Variants in ALK observed in about 807,000 individuals in gnomAD.
ALK encodes the protein ALK tyrosine kinase receptor.
In ALK, 74 loss-of-function variants were observed where a neutral mutation model predicts 163.1. The observed-to-expected ratio is 0.45, with a 90% confidence interval of 0.38 to 0.55. ALK has a LOEUF of 0.55. ALK is among the 20% of genes least tolerant of loss of function. The pLI is 0.00. For synonymous variants in ALK, 960 were observed against 843.2 expected (o/e 1.14, Z -2.40); for missense variants, 2,063 against 2,105.3 (o/e 0.98, Z 0.39).
At chr2:29,280,232 C>T (rs1372156508) in intron 9 of ALK, among the ~76,000 whole-genome samples, 1 of 150,122 alleles carries the variant, frequency 6.7e-6, no homozygotes, top group Non-Finnish European at 1.5e-5. Context: ...AGATGGACTA[C>T]TCTGGGACTG....
intron 4 of ALK, among the ~76,000 whole-genome samples, chr2:29,426,068 A>G (rs935912564): frequency 4.6e-5 from 7 of 152,222 alleles, no homozygotes; most frequent in African/African-American, 1.7e-4. Context: ...AAACAATGGA[A>G]TAATCAGCTG....
chr2:29,578,405 T>C (rs1192067243), intron 3 of ALK, among the ~76,000 whole-genome samples: 1 of 152,340 alleles, frequency 6.6e-6, no homozygotes, highest in African/African-American at 2.4e-5. Flanking sequence ...TTGCAGGGTA[T>C]GGTGCCCTAA....
At chr2:29,391,577 G>C (rs922006741) in intron 4 of ALK, among the ~76,000 whole-genome samples, 9 of 152,068 alleles carry the variant, frequency 5.9e-5, no homozygotes, top group Non-Finnish European at 1.5e-5. Context: ...CCTCCTTTGG[G>C]GTTACAGCCA....
chr2:29,296,621 G>A (rs1467187136), intron 9 of ALK, among the ~76,000 whole-genome samples: 2 of 152,192 alleles, frequency 1.3e-5, no homozygotes, highest in Admixed American at 6.5e-5. Flanking sequence ...AGACACTGGG[G>A]GTAGCCAACC....
At chr2:29,665,441 T>C (rs1381897135) in intron 3 of ALK, among the ~76,000 whole-genome samples, 2 of 152,200 alleles carry the variant, frequency 1.3e-5, no homozygotes, top group East Asian at 1.9e-4. Context: ...AATGTGTCTG[T>C]CACCTACTCC....
At chr2:29,225,622 G>C (rs1035059178) in intron 18 of ALK, 57 bp from the exon 19 acceptor site, 3 of 1,464,972 alleles carry the variant, frequency 2.0e-6, no homozygotes, top group Non-Finnish European at 2.8e-6. Context: ...CTTTGAGTTG[G>C]TCCCAAGTCA....
intron 24 of ALK, among the ~76,000 whole-genome samples, chr2:29,213,308 T>C (rs182657798): frequency 6.6e-6 from 1 of 152,320 alleles, no homozygotes; most frequent in Non-Finnish European, 1.5e-5. Flanking sequence ...ACAAGAATGA[T>C]TGTAATAGAA....
At chr2:29,457,294 T>C (rs1670979385) in intron 4 of ALK, among the ~76,000 whole-genome samples, 1 of 152,158 alleles carries the variant, frequency 6.6e-6, no homozygotes, top group Non-Finnish European at 1.5e-5. Context: ...TCACTGCATC[T>C]GCCCATCTAT....
intron 8 of ALK, among the ~76,000 whole-genome samples, chr2:29,314,536 G>A (rs915319282): frequency 2.6e-5 from 4 of 152,080 alleles, no homozygotes; most frequent in Non-Finnish European, 5.9e-5. Context: ...GAGGGGAGAC[G>A]CAACTGCAGC....
chr2:29,325,192 G>T (rs139895883), intron 6 of ALK, among the ~76,000 whole-genome samples: 2 of 152,098 alleles, frequency 1.3e-5, no homozygotes, highest in Non-Finnish European at 2.9e-5. Context: ...CCTCAGGAAG[G>T]TTCTTTAGAG....
At chr2:29,336,957 G>A (rs1412818932) in intron 5 of ALK, among the ~76,000 whole-genome samples, 1 of 152,072 alleles carries the variant, frequency 6.6e-6, no homozygotes, top group Non-Finnish European at 1.5e-5. Context: ...GGGGAACCTG[G>A]TGTCTAGGGG....
intron 4 of ALK, among the ~76,000 whole-genome samples, chr2:29,504,138 G>A (rs1347259184): frequency 6.6e-6 from 1 of 152,076 alleles, no homozygotes; most frequent in African/African-American, 2.4e-5. Flanking sequence ...TTTTCCAGCT[G>A]AGCTCCAAAG....
At chr2:29,886,139 G>A (rs944708654) in intron 1 of ALK, among the ~76,000 whole-genome samples, 12 of 152,090 alleles carry the variant, frequency 7.9e-5, no homozygotes, top group Admixed American at 4.6e-4. Flanking sequence ...TTTTATAGTT[G>A]TGTTAATAAC....
In ALK at chr2:29,771,744, C is replaced by A. The variant is rs571881413; in HGVS notation, c.668-54047G>T. Among the ~76,000 whole-genome samples, 6 of 152,128 alleles carry A rather than the reference C, an allele frequency of 3.9e-5. No individual in the cohort carries two copies. The South Asian group carries it at 6.3e-4, about 16-fold the overall frequency. On this transcript the variant is annotated intron_variant, in intron 1 of 28. Coordinates refer to ENST00000389048, the MANE Select transcript of ALK (RefSeq NM_004304.5). ...AGAGACGGGGTTTCACCGTGTTAGC[C>A]AGGATGGTCTCGATTGCCTGACCTC...
intron 1 of ALK, among the ~76,000 whole-genome samples, chr2:29,857,949 C>G (rs1389121645): frequency 6.6e-6 from 1 of 152,202 alleles, no homozygotes; most frequent in African/African-American, 2.4e-5. Flanking sequence ...ATGGTAACAT[C>G]TTCGTAACTT....
chr2:29,741,191 G>A (rs1680049536), intron 1 of ALK, among the ~76,000 whole-genome samples: 2 of 152,274 alleles, frequency 1.3e-5, no homozygotes, highest in African/African-American at 4.8e-5. Context: ...TAGGGGTTAG[G>A]AGTAGGGGTG....
At chr2:29,919,592 C>G (rs1156520666) in intron 1 of ALK, among the ~76,000 whole-genome samples, 2 of 152,096 alleles carry the variant, frequency 1.3e-5, no homozygotes, top group East Asian at 1.9e-4. Flanking sequence ...CTGTGCTGGC[C>G]AGGAACAAGA....
intron 4 of ALK, among the ~76,000 whole-genome samples, chr2:29,455,342 G>A (rs989833607): frequency 4.6e-5 from 7 of 152,128 alleles, no homozygotes; most frequent in Non-Finnish European, 1.0e-4. Flanking sequence ...GTCAGATGAC[G>A]AAGACATGAA....
At chr2:29,516,985 A>T (rs930546525) in intron 4 of ALK, among the ~76,000 whole-genome samples, 9 of 152,238 alleles carry the variant, frequency 5.9e-5, no homozygotes, top group Non-Finnish European at 1.3e-4. Flanking sequence ...CATTCGCATG[A>T]CACTAATTTT....
Sources: allele counts gnomAD v4.1 joint callset (sites outside exome capture counted in the v4.1 genomes callset), GRCh38; gene constraint gnomAD v4.1.1; transcripts MANE v1.5; gene names NCBI Gene and HGNC (gene_info 2026-07-23, HGNC 2026-07-21).